CD96: variants seen among roughly 807,000 people sequenced by gnomAD.
CD96 encodes the protein CD96 molecule, also known as T-cell surface protein tactile.
In CD96, 70 loss-of-function variants were observed where a neutral mutation model predicts 71.3. That is an observed-to-expected ratio of 0.98 (90% confidence interval 0.81 to 1.20). The LOEUF (loss-of-function observed/expected upper bound fraction) is 1.20, where lower values mean the gene tolerates loss of function less well. Among genes scored for constraint, CD96 ranks in the 50% most tolerant of loss-of-function variants. The pLI, the probability that CD96 is intolerant of heterozygous loss-of-function variation, is 0.00. For missense variants in CD96, 742 were observed against 677.5 expected (o/e 1.10, Z -1.06); for synonymous variants, 248 against 233.0 (o/e 1.06, Z -0.59).
At position 111,574,395 on chromosome 3, in the gene CD96, T is replaced by C. The variant is rs74673134; in HGVS notation, c.544-4632T>C. 1.3e-4 allele frequency among the ~76,000 whole-genome samples: 20 copies of C among 152,288 alleles called. No individual in the cohort carries two copies. In the East Asian group the frequency reaches 3.9e-3, roughly 29 times the overall value. Reference sequence around the variant, plus strand: ...AGATGTTCAACTGGCATAATGTAAATAGTCCAAAATCCAAAACATCTGAGC... The same window carrying C: ...AGATGTTCAACTGGCATAATGTAAACAGTCCAAAATCCAAAACATCTGAGC... On this transcript the variant is annotated intron_variant, in intron 3 of 13. Coordinates refer to ENST00000352690, the MANE Select transcript of CD96 (RefSeq NM_005816.5).
chr3:111,642,800 C>G (rs1467494791), intron 12 of CD96, among the ~76,000 whole-genome samples: 1 of 151,286 alleles, frequency 6.6e-6, no homozygotes, highest in Non-Finnish European at 1.5e-5. Context: ...AACTGAGACT[C>G]CGCCTAAAAA....
intron 1 of CD96, 29 bp downstream of exon 1, chr3:111,542,338 G>A (rs372207920): frequency 2.2e-5 from 35 of 1,572,496 alleles, no homozygotes; most frequent in African/African-American, 8.1e-5. Context: ...CCTTCTTGTC[G>A]GATGGGCCGC....
chr3:111,544,448 G>T (rs974650798), intron 1 of CD96, among the ~76,000 whole-genome samples: 1 of 152,066 alleles, frequency 6.6e-6, no homozygotes, highest in Non-Finnish European at 1.5e-5. Context: ...AGGCCTGGAG[G>T]TGTGACTTTG....
At chr3:111,602,197 T>C (rs982413814) in intron 7 of CD96, among the ~76,000 whole-genome samples, 1 of 152,206 alleles carries the variant, frequency 6.6e-6, no homozygotes, top group African/African-American at 2.4e-5. Flanking sequence ...AATCTAAGGA[T>C]GTGAGCTAAA....
At chr3:111,625,935 AT>A (rs1490813433) in intron 10 of CD96, among the ~76,000 whole-genome samples, 1 of 152,226 alleles carries the variant, frequency 6.6e-6, no homozygotes, top group East Asian at 1.9e-4. Context: ...CTACAAATTA[AT>A]AACAAATATG....
At chr3:111,615,449 T>C (rs1379717295) in intron 8 of CD96, among the ~76,000 whole-genome samples, 1 of 152,208 alleles carries the variant, frequency 6.6e-6, no homozygotes, top group East Asian at 1.9e-4. Context: ...AAATACCTTC[T>C]ATAGCACTTG....
intron 10 of CD96, among the ~76,000 whole-genome samples, chr3:111,635,292 A>G (rs952928273): frequency 3.3e-5 from 5 of 152,176 alleles, no homozygotes; most frequent in African/African-American, 1.2e-4. Flanking sequence ...CTCTCACCAT[A>G]CTTCCCACTA....
At chr3:111,665,097 A>C (rs1468091300) in intron 14 of CD96, among the ~76,000 whole-genome samples, 1 of 152,184 alleles carries the variant, frequency 6.6e-6, no homozygotes. Context: ...ATATGCATAC[A>C]GAGAGAGATG....
chr3:111,550,332 C>G (rs1369963191), intron 2 of CD96, among the ~76,000 whole-genome samples: 1 of 152,000 alleles, frequency 6.6e-6, no homozygotes, highest in African/African-American at 2.4e-5. Context: ...ATTGATATGA[C>G]TTTCAAGAAA....
chr3:111,565,350 T>A (rs576425141), intron 2 of CD96, among the ~76,000 whole-genome samples: 1 of 152,262 alleles, frequency 6.6e-6, no homozygotes, highest in South Asian at 2.1e-4. Flanking sequence ...TTTATCTTCT[T>A]TGTTTTTATA....
At chr3:111,595,419 G>C (rs1264921127) in intron 5 of CD96, 1 of 152,122 alleles carries the variant, frequency 6.6e-6, no homozygotes, top group Non-Finnish European at 1.5e-5. Context: ...CTCCAGTTCT[G>C]GTTTCCTCCC....
At chr3:111,638,538 CAT>C (rs1939444042) in intron 12 of CD96, among the ~76,000 whole-genome samples, 1 of 152,116 alleles carries the variant, frequency 6.6e-6, no homozygotes, top group South Asian at 2.1e-4. Context: ...CCTATGAAAA[CAT>C]AGTCTGAGAA....
intron 3 of CD96, among the ~76,000 whole-genome samples, chr3:111,573,981 A>G (rs1431617043): frequency 1.3e-5 from 2 of 152,236 alleles, no homozygotes; most frequent in Admixed American, 6.5e-5. Flanking sequence ...GGTGCTCTAG[A>G]AAATGGATGT....
chr3:111,556,370 A>G (rs1371409997), intron 2 of CD96, among the ~76,000 whole-genome samples: 1 of 98,470 alleles, frequency 1.0e-5, no homozygotes, highest in Non-Finnish European at 1.9e-5. Context: ...CCACCCCACA[A>G]CAGTCCCCAG....
chr3:111,593,713 C>A, intron 5 of CD96: 1 of 1,614,170 alleles, frequency 6.2e-7, no homozygotes. Flanking sequence ...CTGCCCTTTC[C>A]CTCCTAAGCA....
At chr3:111,571,286 C>T (rs1373788575) in intron 3 of CD96, among the ~76,000 whole-genome samples, 1 of 148,842 alleles carries the variant, frequency 6.7e-6, no homozygotes, top group Non-Finnish European at 1.5e-5. Flanking sequence ...AGCATAGGTA[C>T]TCATAAATAC....
At chr3:111,589,225 C>T (rs1936860367) in intron 5 of CD96, among the ~76,000 whole-genome samples, 1 of 152,210 alleles carries the variant, frequency 6.6e-6, no homozygotes, top group Non-Finnish European at 1.5e-5. Context: ...GCTGGGATTA[C>T]AGGCATGAGC....
chr3:111,605,110 A>G (rs980901993), intron 7 of CD96, among the ~76,000 whole-genome samples: 5 of 152,236 alleles, frequency 3.3e-5, no homozygotes, highest in Non-Finnish European at 5.9e-5. Context: ...CAGTGTTAAG[A>G]ATAAATTTGC....
At chr3:111,654,674 T>C (rs1048981619), downstream of CD96, among the ~76,000 whole-genome samples, 4 of 152,196 alleles carry the variant, frequency 2.6e-5, no homozygotes, top group African/African-American at 7.2e-5. Flanking sequence ...ACAAACCCAA[T>C]ATCACAACAT....
Sources: allele counts gnomAD v4.1 joint callset (sites outside exome capture counted in the v4.1 genomes callset), GRCh38; gene constraint gnomAD v4.1.1; transcripts MANE v1.5; gene names NCBI Gene and HGNC (gene_info 2026-07-23, HGNC 2026-07-21).